The following INKA2 variants were observed in gnomAD, a reference collection of about 807,000 sequenced individuals.
INKA2 encodes inka box actin regulator 2, also known as PAK4-inhibitor INKA2.
A neutral mutation model predicts 9.8 loss-of-function variants in INKA2; 3 were observed. The ratio of observed to expected loss-of-function variants is 0.31; its 90% CI spans 0.14 to 0.79. The LOEUF is 0.79. Among genes scored for constraint, INKA2 ranks in the 30% least tolerant of loss-of-function variants. The pLI, the probability that INKA2 is intolerant of heterozygous loss-of-function variation, is 0.62. For synonymous variants in INKA2, 147 were observed against 143.3 expected, an observed-to-expected ratio of 1.03 and a Z score of -0.18; for missense variants, 392 against 384.4, an observed-to-expected ratio of 1.02 and a Z score of -0.17.
chr1:111,754,723 A>G (rs538734664), intron 1 of INKA2: 2 of 152,296 alleles, frequency 1.3e-5, no homozygotes, highest in Admixed American at 1.3e-4. Flanking sequence ...ATGATGACTA[A>G]GAGTTTGTTA....
At position 111,727,000 on chromosome 1, in the gene INKA2, C is replaced by G; in HGVS notation, c.862G>C (p.Gly288Arg). 6.2e-7 allele frequency: 1 copy of G among 1,613,886 alleles called. No individual in the cohort carries two copies. Among genetic ancestry groups the G allele is most frequent in the Non-Finnish European group, 8.5e-7 (1 of 1,179,970 alleles). Reference sequence around the variant, plus strand: ...CAAACAGCTGTGTTAATATCAAATCCTGAGGGTGAGTGCTCCAGGGCCTTG... The same window carrying G: ...CAAACAGCTGTGTTAATATCAAATCGTGAGGGTGAGTGCTCCAGGGCCTTG... ...CPKALEHSPS[G>R]FDINTAVWV The change falls in exon 2 of 2, where the codon GGA becomes CGA. Residue 288 changes from glycine (G) to arginine (R), a missense_variant. Gly to Arg is a moderately radical substitution (Grantham distance 125). Coordinates refer to ENST00000357260, the MANE Select transcript of INKA2 (RefSeq NM_019099.5).
chr1:111,726,978 A>G lies in INKA2; in HGVS notation c.884T>C (p.Val295Ala), dbSNP rs758334663. The G allele has an allele frequency of 1.2e-5, 19 of 1,612,820 alleles. No homozygotes were observed. The highest frequency in any genetic ancestry group is 1.6e-5 in the Non-Finnish European group (19 of 1,179,472). ...TTCTGTCTCTAGGATTCAGACCCAA[A>G]CAGCTGTGTTAATATCAAATCCTGA... ...SPSGFDINTAVWV is the reference protein window; with the variant it reads ...SPSGFDINTAAWV Residue 295 changes from valine to alanine, a missense_variant, in exon 2 of 2, where the codon GTT (valine) becomes GCT (alanine). By Grantham distance (64) the Val-to-Ala change is moderately conservative. Coordinates refer to ENST00000357260, the MANE Select transcript of INKA2 (RefSeq NM_019099.5).
upstream of INKA2, chr1:111,739,893 G>T (rs916641576): frequency 6.6e-6 from 1 of 152,242 alleles, no homozygotes; most frequent in African/African-American, 2.4e-5. Flanking sequence ...TGAAATCCTC[G>T]CAGCCCTGCC....
Position 111,727,459 on chromosome 1 carries a change from G to T in INKA2, c.403C>A (p.Arg135=), listed in dbSNP as rs145067004. 212 of 1,614,212 alleles carry T rather than the reference G, an allele frequency of 1.3e-4. 3 individuals are homozygous for T. The South Asian group carries it at 2.2e-3, about 17-fold the overall frequency. ...GAGGTCCAGTCATCCGGTTCCACTC[G>T]CTCTGGCCCCTGCTGAGCACAGCTT... ...HQSCAQQGPE[R]VEPDDWTSTL... is the part of the protein sequence containing the mutation. Residue 135 remains arginine, a synonymous_variant, in exon 2 of 2, where the codon CGA becomes AGA. Coordinates refer to ENST00000357260, the MANE Select transcript of INKA2 (RefSeq NM_019099.5).
In INKA2 at chr1:111,724,325, A is replaced by C. The variant is rs1311910705; in HGVS notation, c.*2643T>G. 1.3e-5 allele frequency: 2 copies of C among 152,162 alleles called. No homozygotes were observed. Among genetic ancestry groups the C allele is most frequent in the Non-Finnish European group, 2.9e-5 (2 of 68,022 alleles). 9.4% of individuals were successfully genotyped at this position (152,162 alleles called of 1,614,324 possible). A position where few individuals can be genotyped will look rare whatever the true frequency, so the allele number is the denominator to read the frequency against. On this transcript the variant is annotated 3_prime_UTR_variant, in exon 2 of 2. Transcript: ENST00000357260. ...TTCTATAACAACACCTGGTGCTGGG[A>C]GGTGTTCATAAAGTTCTGTTCAATT...
In INKA2 at chr1:111,724,607, T is replaced by TACCACCACC. The variant is rs1173415319; in HGVS notation, c.*2352_*2360dup. 1 of 146,944 alleles carries TACCACCACC rather than the reference T, an allele frequency of 6.8e-6. No individual in the cohort carries two copies. Among genetic ancestry groups the TACCACCACC allele is most frequent in the Admixed American group, 6.8e-5 (1 of 14,772 alleles). The allele number at this position is 146,944 out of a possible 1,614,324, so 9.1% of individuals were successfully genotyped here. ...CACACACACACACACACACCACCAC[T>TACCACCACC]ACCACCACCACCACCACCACCTCCA... is the stretch of plus-strand genomic sequence containing the variant. On this transcript the variant is annotated 3_prime_UTR_variant, in exon 2 of 2. Transcript: ENST00000357260.
rs1346538542 is a variant in INKA2, at chr1:111,723,426, C to A, written c.*3542G>T. On this transcript the variant is annotated 3_prime_UTR_variant, in exon 2 of 2. Transcript: ENST00000357260. ...AAGGGAGGAGGGAGACCAGGCCGGCCCCACTAGCATGCCCAGCAGGGACTC... is the reference window on the plus strand; with the variant it reads ...AAGGGAGGAGGGAGACCAGGCCGGCACCACTAGCATGCCCAGCAGGGACTC... 4 of 288,990 alleles carry A rather than the reference C, an allele frequency of 1.4e-5. No individual in the cohort carries two copies. Among genetic ancestry groups the A allele is most frequent in the Admixed American group, 7.3e-5 (1 of 13,638 alleles). 17.9% of individuals were successfully genotyped at this position (288,990 alleles called of 1,614,324 possible).
chr1:111,725,985 C>T lies in INKA2; in HGVS notation c.*983G>A, dbSNP rs1188098072. 7.6e-6 allele frequency: 3 copies of T among 397,066 alleles called. No individual in the cohort carries two copies. Among genetic ancestry groups the T allele is most frequent in the African/African-American group, 4.1e-5 (2 of 48,590 alleles). The allele number at this position is 397,066 out of a possible 1,614,324, so 24.6% of individuals were successfully genotyped here. ...CTCCTGACCCCAGGTAATCCGCCTG[C>T]CTTGCCCTCCCAAAGTGCTGGGATT... On this transcript the variant is annotated 3_prime_UTR_variant, in exon 2 of 2. Coordinates refer to ENST00000357260, the MANE Select transcript of INKA2 (RefSeq NM_019099.5).
rs1324365023 is a variant in INKA2 at position 111,725,376 on chromosome 1, C to G, written c.*1592G>C. ...TCTTTTCCCAGCCAGTGAGTGTTCCCTACTGGAGTGGGAGGGACAGTGGCT... is the reference window on the plus strand; with the variant it reads ...TCTTTTCCCAGCCAGTGAGTGTTCCGTACTGGAGTGGGAGGGACAGTGGCT... On this transcript the variant is annotated 3_prime_UTR_variant, in exon 2 of 2. Transcript: ENST00000357260. 1 of 152,260 alleles carries G rather than the reference C, an allele frequency of 6.6e-6. No homozygotes were observed. Among genetic ancestry groups the G allele is most frequent in the African/African-American group, 2.4e-5 (1 of 41,444 alleles). The allele number at this position is 152,260 out of a possible 1,614,324, so 9.4% of individuals were successfully genotyped here. A position where few individuals can be genotyped will look rare whatever the true frequency, so the allele number is the denominator to read the frequency against.
chr1:111,745,400 G>A (rs1400134408), intron 1 of INKA2: 1 of 147,276 alleles, frequency 6.8e-6, no homozygotes, highest in Non-Finnish European at 1.5e-5. Flanking sequence ...TGGCTCAGGT[G>A]ATCCTCCCAC....
intron 1 of INKA2, among the ~76,000 whole-genome samples, chr1:111,730,462 A>G (rs1476780014): frequency 6.6e-6 from 1 of 152,122 alleles, no homozygotes; most frequent in Non-Finnish European, 1.5e-5. Flanking sequence ...CAGCTTCCGA[A>G]CCGCCAGACA....
chr1:111,732,755 T>C (rs2101366190), intron 1 of INKA2, among the ~76,000 whole-genome samples: 1 of 152,264 alleles, frequency 6.6e-6, no homozygotes, highest in African/African-American at 2.4e-5. Flanking sequence ...CCTCAGCGTC[T>C]CTGGAAGTCT....
chr1:111,753,153 G>T (rs984926825), intron 1 of INKA2: 6 of 152,214 alleles, frequency 3.9e-5, no homozygotes, highest in African/African-American at 1.4e-4. Context: ...GGCTCTCCAG[G>T]TAGATGGAAC....
upstream of INKA2, among the ~76,000 whole-genome samples, chr1:111,741,986 G>T (rs1172648167): frequency 6.6e-6 from 1 of 152,174 alleles, no homozygotes; most frequent in Non-Finnish European, 1.5e-5. Flanking sequence ...AAAGTGCTGG[G>T]ATTACAGGCA....
chr1:111,727,238 T>C lies in INKA2; in HGVS notation c.624A>G (p.Ala208=). ...TACGCAAGAACTTCTTAAAGATGTTTGCTGTCAGGGCGAACCTGCGGCCCA... is the reference window on the plus strand; with the variant it reads ...TACGCAAGAACTTCTTAAAGATGTTCGCTGTCAGGGCGAACCTGCGGCCCA... The part of the protein sequence containing the change: ...QELGRRFALT[A]NIFKKFLRSV... The change falls in exon 2 of 2, where the codon GCA becomes GCG. Residue 208 remains alanine (A), a synonymous_variant. Transcript: ENST00000357260. The C allele has an allele frequency of 6.2e-7, 1 of 1,614,222 alleles. No homozygotes were observed. Among genetic ancestry groups the C allele is most frequent in the East Asian group, 2.2e-5 (1 of 44,884 alleles).
At position 111,724,765 on chromosome 1, in the gene INKA2, TC is replaced by T. The variant is rs908021234; in HGVS notation, c.*2202del. The T allele has an allele frequency of 1.3e-5, 2 of 152,182 alleles. No individual in the cohort carries two copies. Among genetic ancestry groups the T allele is most frequent in the African/African-American group, 4.8e-5 (2 of 41,404 alleles). 9.4% of individuals were successfully genotyped at this position (152,182 alleles called of 1,614,324 possible). On this transcript the variant is annotated 3_prime_UTR_variant, in exon 2 of 2. Coordinates refer to ENST00000357260, the MANE Select transcript of INKA2 (RefSeq NM_019099.5). ...GAGTGGGCTTGCTCAGTTGGCAAACTCCAGGTAGAGAAATAGCAAGAAAAGG... is the reference window on the plus strand; with the variant it reads ...GAGTGGGCTTGCTCAGTTGGCAAACTCAGGTAGAGAAATAGCAAGAAAAGG...
In INKA2 at chr1:111,727,002, G is replaced by A. The variant is rs112881255; in HGVS notation, c.860C>T (p.Ser287Leu). Residue 287 changes from serine (S) to leucine (L), a missense_variant, in exon 2 of 2, where the codon TCA becomes TTA. Physicochemically the swap from Ser to Leu is moderately radical, Grantham distance 145 (BLOSUM62 -2). Transcript: ENST00000357260. ...SCPKALEHSP[S>L]GFDINTAVWV Reference sequence around the variant, plus strand: ...AACAGCTGTGTTAATATCAAATCCTGAGGGTGAGTGCTCCAGGGCCTTGGG... The same window carrying A: ...AACAGCTGTGTTAATATCAAATCCTAAGGGTGAGTGCTCCAGGGCCTTGGG... The A allele has an allele frequency of 2.5e-6, 4 of 1,613,912 alleles. No individual in the cohort carries two copies.
At chr1:111,749,435 TGTGTGTGTGTGCGC>T (rs1032823691) in intron 1 of INKA2, among the ~76,000 whole-genome samples, 4 of 139,030 alleles carry the variant, frequency 2.9e-5, no homozygotes, top group African/African-American at 1.1e-4. Flanking sequence ...TGTGTGTGTG[TGTGTGTGTGTGCGC>T]GCGCGCGCGT....
Position 111,723,499 on chromosome 1 carries a change from T to G in INKA2, c.*3469A>C. 1 of 218,436 alleles carries G rather than the reference T, an allele frequency of 4.6e-6. No individual in the cohort carries two copies. Among genetic ancestry groups the G allele is most frequent in the Non-Finnish European group, 9.0e-6 (1 of 111,044 alleles). The allele number at this position is 218,436 out of a possible 1,614,324, so 13.5% of individuals were successfully genotyped here. On this transcript the variant is annotated 3_prime_UTR_variant, in exon 2 of 2. Transcript: ENST00000357260. ...AGAAGCAGGTGGAACCTTCCACAGA[T>G]ACCTGGGCCAATCAGGTGGCCCTTG...
Sources: gnomAD v4.1 joint callset for allele counts (sites outside exome capture counted in the v4.1 genomes callset) on GRCh38, gnomAD v4.1.1 for gene constraint, MANE v1.5 for transcripts, NCBI Gene and HGNC (gene_info 2026-07-23, HGNC 2026-07-21) for gene names.